Variants in RALYL observed in about 807,000 individuals in gnomAD.
RALYL encodes the protein RNA-binding Raly-like protein.
A neutral mutation model predicts 35.1 loss-of-function variants in RALYL; 29 were observed. The ratio of observed to expected loss-of-function variants is 0.83; its 90% CI spans 0.61 to 1.13. The LOEUF (loss-of-function observed/expected upper bound fraction) is 1.13, where lower values mean the gene tolerates loss of function less well. Among genes scored for constraint, RALYL ranks in the 50% most tolerant of loss-of-function variants. The pLI is 0.00. For missense variants in RALYL, 359 were observed against 360.4 expected, an observed-to-expected ratio of 1.00 and a Z score of 0.03; for synonymous variants, 120 against 127.6, an observed-to-expected ratio of 0.94 and a Z score of 0.40.
chr8:84,477,306 C>G (rs1050774486), intron 1 of RALYL, among the ~76,000 whole-genome samples: 2 of 151,668 alleles, frequency 1.3e-5, no homozygotes, highest in Non-Finnish European at 2.9e-5. Context: ...GCATCTAACG[C>G]TGTTGCTTTT....
At chr8:84,817,885 T>C (rs935518278) in intron 4 of RALYL, among the ~76,000 whole-genome samples, 1 of 152,184 alleles carries the variant, frequency 6.6e-6, no homozygotes, top group Non-Finnish European at 1.5e-5. Context: ...GTTATGAATG[T>C]GATAATACTT....
chr8:84,344,462 A>T (rs1256087908), intron 1 of RALYL, among the ~76,000 whole-genome samples: 1 of 152,046 alleles, frequency 6.6e-6, no homozygotes, highest in Non-Finnish European at 1.5e-5. Flanking sequence ...TGATTGCATT[A>T]ACCTGCTTTT....
chr8:84,842,165 T>C (rs1412670773), intron 4 of RALYL, among the ~76,000 whole-genome samples: 1 of 151,994 alleles, frequency 6.6e-6, no homozygotes, highest in African/African-American at 2.4e-5. Flanking sequence ...TTCAAAAAAT[T>C]AATGAATCCA....
chr8:84,838,536 T>C (rs1832503726), intron 4 of RALYL, among the ~76,000 whole-genome samples: 1 of 152,236 alleles, frequency 6.6e-6, no homozygotes, highest in African/African-American at 2.4e-5. Flanking sequence ...AGTCTTGACA[T>C]GATTACCAAG....
At chr8:84,697,493 C>A (rs1422393404) in intron 2 of RALYL, among the ~76,000 whole-genome samples, 1 of 151,958 alleles carries the variant, frequency 6.6e-6, no homozygotes, top group African/African-American at 2.4e-5. Flanking sequence ...CCATAATGGA[C>A]CTTAGATTAG....
chr8:84,276,142 T>C (rs1361838665), intron 1 of RALYL, among the ~76,000 whole-genome samples: 1 of 152,194 alleles, frequency 6.6e-6, no homozygotes. Flanking sequence ...CATTGTTTTA[T>C]TTTTTGTTTG....
intron 2 of RALYL, among the ~76,000 whole-genome samples, chr8:84,763,903 C>A (rs1813266581): frequency 6.6e-6 from 1 of 152,200 alleles, no homozygotes; most frequent in African/African-American, 2.4e-5. Context: ...ATAGATGAAG[C>A]ATGCACCAAA....
intron 1 of RALYL, among the ~76,000 whole-genome samples, chr8:84,407,682 C>A (rs2043678927): frequency 1.3e-5 from 2 of 152,106 alleles, no homozygotes; most frequent in African/African-American, 4.8e-5. Flanking sequence ...AATGCAGAAT[C>A]AACTTTTACA....
intron 2 of RALYL, among the ~76,000 whole-genome samples, chr8:84,620,578 C>T (rs927472977): frequency 6.6e-6 from 1 of 152,170 alleles, no homozygotes; most frequent in Non-Finnish European, 1.5e-5. Context: ...TCATCTGAAG[C>T]CTTCTTCTCT....
At chr8:84,186,451 G>A (rs753546012) in intron 1 of RALYL, among the ~76,000 whole-genome samples, 18 of 152,124 alleles carry the variant, frequency 1.2e-4, no homozygotes, top group Admixed American at 6.5e-5. Context: ...ATTTTTGTAT[G>A]TTTTATGTAT....
intron 1 of RALYL, among the ~76,000 whole-genome samples, chr8:84,415,753 CTTAA>C (rs997144356): frequency 2.7e-5 from 4 of 150,934 alleles, no homozygotes; most frequent in Non-Finnish European, 5.9e-5. Context: ...TACAATAGTA[CTTAA>C]TTAATATGTA....
chr8:84,241,506 G>A (rs904446377), intron 1 of RALYL, among the ~76,000 whole-genome samples: 4 of 152,072 alleles, frequency 2.6e-5, no homozygotes, highest in East Asian at 3.9e-4. Context: ...GGCCTGGCGC[G>A]GTGGCTCATG....
intron 1 of RALYL, among the ~76,000 whole-genome samples, chr8:84,208,405 C>G (rs1818595760): frequency 1.3e-5 from 2 of 152,052 alleles, no homozygotes; most frequent in South Asian, 4.1e-4. Context: ...ATGATTGGTA[C>G]CTTTTTTAGA....
At chr8:84,192,734 A>G (rs1221998696) in intron 1 of RALYL, among the ~76,000 whole-genome samples, 1 of 151,396 alleles carries the variant, frequency 6.6e-6, no homozygotes, top group Non-Finnish European at 1.5e-5. Flanking sequence ...TTTTTTGTAT[A>G]TTTAGTAGAG....
intron 2 of RALYL, among the ~76,000 whole-genome samples, chr8:84,537,658 T>A (rs1010086846): frequency 6.6e-6 from 1 of 152,174 alleles, no homozygotes; most frequent in African/African-American, 2.4e-5. Flanking sequence ...TAATGTTTTT[T>A]ATTTATATAT....
chr8:84,442,117 A>G (rs1202504594), intron 1 of RALYL, among the ~76,000 whole-genome samples: 1 of 152,232 alleles, frequency 6.6e-6, no homozygotes, highest in South Asian at 2.1e-4. Context: ...AGGAAGAACC[A>G]TGGAAATGCA....
intron 2 of RALYL, among the ~76,000 whole-genome samples, chr8:84,687,683 T>A (rs1837103008): frequency 6.6e-6 from 1 of 152,116 alleles, no homozygotes; most frequent in Non-Finnish European, 1.5e-5. Flanking sequence ...GTACACTGAA[T>A]TTTTTAGGGT....
chr8:84,274,670 A>C (rs1835010136), intron 1 of RALYL, among the ~76,000 whole-genome samples: 2 of 152,200 alleles, frequency 1.3e-5, no homozygotes, highest in African/African-American at 4.8e-5. Flanking sequence ...TGTGTAATTC[A>C]GGAATTGTAT....
chr8:84,345,705 C>A (rs1288356324), intron 1 of RALYL, among the ~76,000 whole-genome samples: 1 of 152,060 alleles, frequency 6.6e-6, no homozygotes. Flanking sequence ...ACATCTCATT[C>A]ACTTCCCCAC....
Sources: allele counts gnomAD v4.1 joint callset (sites outside exome capture counted in the v4.1 genomes callset), GRCh38; gene constraint gnomAD v4.1.1; transcripts MANE v1.5; gene names NCBI Gene and HGNC (gene_info 2026-07-23, HGNC 2026-07-21).